The following CTNNA2 variants were observed in gnomAD, a reference collection of about 807,000 sequenced individuals.
CTNNA2 encodes the protein catenin alpha-2.
In CTNNA2, 42 loss-of-function variants were observed where a neutral mutation model predicts 101.0. The observed-to-expected ratio is 0.42, with a 90% CI of 0.32 to 0.54. The LOEUF (loss-of-function observed/expected upper bound fraction) is 0.54, where lower values mean the gene tolerates loss of function less well. CTNNA2 is among the 20% of genes least tolerant of loss of function. The pLI is 0.14. For synonymous variants in CTNNA2, 450 were observed against 456.4 expected, an observed-to-expected ratio of 0.99 and a Z score of 0.18; for missense variants, 871 against 1,223.1, an observed-to-expected ratio of 0.71 and a Z score of 4.29.
intron 2 of CTNNA2, among the ~76,000 whole-genome samples, chr2:79,311,704 A>G (rs1349924629): frequency 6.6e-6 from 1 of 152,078 alleles, no homozygotes; most frequent in South Asian, 2.1e-4. Flanking sequence ...GTGCTCCCCA[A>G]TTCTGCCCAC....
At chr2:80,021,316 G>A (rs915990376) in intron 7 of CTNNA2, among the ~76,000 whole-genome samples, 22 of 152,076 alleles carry the variant, frequency 1.4e-4, no homozygotes, top group African/African-American at 4.8e-4. Context: ...CACCACGCCC[G>A]GACTAATCCT....
chr2:79,592,357 C>T (rs911718580), intron 1 of CTNNA2, among the ~76,000 whole-genome samples: 1 of 152,000 alleles, frequency 6.6e-6, no homozygotes, highest in Non-Finnish European at 1.5e-5. Flanking sequence ...ATCTCGAACT[C>T]CTGACCTCAG....
At chr2:80,451,090 C>G (rs528914155) in intron 9 of CTNNA2, among the ~76,000 whole-genome samples, 15 of 152,092 alleles carry the variant, frequency 9.9e-5, no homozygotes, top group Non-Finnish European at 1.6e-4. Context: ...CCTTCTCCCC[C>G]TCCCATGTGA....
intron 3 of CTNNA2, among the ~76,000 whole-genome samples, chr2:79,855,474 C>T (rs2103934326): frequency 6.6e-6 from 1 of 152,306 alleles, no homozygotes; most frequent in South Asian, 2.1e-4. Flanking sequence ...CCTCCAGAGC[C>T]CCTCGTTCTG....
chr2:80,517,187 C>T (rs185719997), intron 9 of CTNNA2, among the ~76,000 whole-genome samples: 1 of 152,354 alleles, frequency 6.6e-6, no homozygotes, highest in Admixed American at 6.5e-5. Flanking sequence ...TGTGCTCCAT[C>T]AGGGTGGAGG....
chr2:79,997,346 GAAAAGGAAGGAA>G (rs1692625912), intron 7 of CTNNA2, among the ~76,000 whole-genome samples: 1 of 144,840 alleles, frequency 6.9e-6, no homozygotes. Context: ...GGAAGGAAAA[GAAAAGGAAGGAA>G]AAGAAAAAAG....
At chr2:80,115,177 T>C (rs1477682677) in intron 7 of CTNNA2, among the ~76,000 whole-genome samples, 1 of 152,224 alleles carries the variant, frequency 6.6e-6, no homozygotes, top group African/African-American at 2.4e-5. Flanking sequence ...CTTTGTGAGC[T>C]GCCAGTTTTA....
At chr2:79,373,396 C>T (rs184886588) in intron 3 of CTNNA2, among the ~76,000 whole-genome samples, 1 of 152,274 alleles carries the variant, frequency 6.6e-6, no homozygotes, top group Admixed American at 6.5e-5. Context: ...CTTACTGAAA[C>T]ATACAGAATA....
At chr2:80,600,130 T>C (rs1406771679) in intron 15 of CTNNA2, among the ~76,000 whole-genome samples, 1 of 152,080 alleles carries the variant, frequency 6.6e-6, no homozygotes, top group Non-Finnish European at 1.5e-5. Flanking sequence ...AACTTTTCAA[T>C]GTATTGTCCA....
At chr2:80,128,485 C>T (rs1232122273) in intron 7 of CTNNA2, among the ~76,000 whole-genome samples, 1 of 152,042 alleles carries the variant, frequency 6.6e-6, no homozygotes, top group Non-Finnish European at 1.5e-5. Context: ...AACATCTGCC[C>T]CTCTGCCACG....
chr2:80,415,489 CT>C lies in CTNNA2; in HGVS notation c.1138-3955del, dbSNP rs569018496. On this transcript the variant is annotated intron_variant, in intron 8 of 18. Transcript: ENST00000402739. The stretch of plus-strand genomic sequence containing the variant: ...TACTAGGCTAGCCATTATTTTCAGT[CT>C]TTTTCATTAGACAGAACTGAGAAAG... 5.9e-4 allele frequency among the ~76,000 whole-genome samples: 90 copies of C among 152,042 alleles called. 1 individual carries two copies. In the South Asian group the frequency reaches 7.1e-3, roughly 12 times the overall value.
chr2:80,257,690 G>A (rs1672281338), intron 7 of CTNNA2, among the ~76,000 whole-genome samples: 1 of 152,152 alleles, frequency 6.6e-6, no homozygotes, highest in Admixed American at 6.5e-5. Flanking sequence ...CCATTCATGT[G>A]GATGTGATTA....
rs1272474559 is a variant in CTNNA2 at position 79,416,252 on chromosome 2, C to CTTTTCT, written c.-135+42244_-135+42249dup. On this transcript the variant is annotated intron_variant, in intron 4 of 21. Coordinates refer to the CTNNA2 transcript ENST00000466387. ...TCATGTCTCCTTGTCTTCTTCTTTC[C>CTTTTCT]TTTTCTTTTTTTTTTTTTTTTTTTT... is the stretch of plus-strand genomic sequence containing the variant. 3.8e-3 allele frequency among the ~76,000 whole-genome samples: 452 copies of CTTTTCT among 118,568 alleles called. 3 individuals are homozygous for CTTTTCT. Among genetic ancestry groups the CTTTTCT allele is most frequent in the African/African-American group, 0.013 (395 of 29,756 alleles). The allele number at this position is 118,568 out of a possible 152,430, so 77.8% of individuals were successfully genotyped here.
chr2:79,268,756 C>A (rs2104295911), intron 2 of CTNNA2, among the ~76,000 whole-genome samples: 1 of 152,172 alleles, frequency 6.6e-6, no homozygotes, highest in East Asian at 1.9e-4. Context: ...GGGAAAAAAC[C>A]CACACATGTG....
chr2:79,468,470 C>A (rs1377292062), intron 4 of CTNNA2, among the ~76,000 whole-genome samples: 1 of 152,060 alleles, frequency 6.6e-6, no homozygotes, highest in Non-Finnish European at 1.5e-5. Flanking sequence ...GACAGATCAA[C>A]GAGACAGAAA....
At chr2:80,474,460 A>G (rs2149490508) in intron 9 of CTNNA2, among the ~76,000 whole-genome samples, 1 of 152,278 alleles carries the variant, frequency 6.6e-6, no homozygotes, top group African/African-American at 2.4e-5. Context: ...AAACAACAAC[A>G]GCAACAACAA....
intron 1 of CTNNA2, among the ~76,000 whole-genome samples, chr2:79,580,901 C>T (rs1676108875): frequency 6.6e-6 from 1 of 152,110 alleles, no homozygotes; most frequent in Non-Finnish European, 1.5e-5. Flanking sequence ...AGTCAAAATT[C>T]ATTTATAGCT....
intron 4 of CTNNA2, among the ~76,000 whole-genome samples, chr2:79,482,101 A>T (rs961837638): frequency 6.6e-6 from 1 of 152,198 alleles, no homozygotes; most frequent in African/African-American, 2.4e-5. Context: ...AATTCAGAAA[A>T]TACAATATTA....
At chr2:80,053,805 T>A (rs941458412) in intron 7 of CTNNA2, among the ~76,000 whole-genome samples, 1 of 152,244 alleles carries the variant, frequency 6.6e-6, no homozygotes, top group African/African-American at 2.4e-5. Context: ...TTCTCTGGAA[T>A]TTCATTACAT....
Sources: allele counts gnomAD v4.1 joint callset (sites outside exome capture counted in the v4.1 genomes callset), GRCh38; gene constraint gnomAD v4.1.1; transcripts MANE v1.5; gene names NCBI Gene and HGNC (gene_info 2026-07-23, HGNC 2026-07-21).